The following TMEM164 variants were observed in gnomAD, a reference collection of about 807,000 sequenced individuals.
The protein encoded by TMEM164 is transmembrane protein 164, also known as RP13-360B22.2.
A neutral mutation model predicts 18.8 loss-of-function variants in TMEM164; 4 were observed. The ratio of observed to expected loss-of-function variants is 0.21; its 90% CI spans 0.10 to 0.49. The LOEUF (loss-of-function observed/expected upper bound fraction) is 0.49, where lower values mean the gene tolerates loss of function less well. Among genes scored for constraint, TMEM164 ranks in the 20% least tolerant of loss-of-function variants. The probability of loss-of-function intolerance (pLI) is 0.98; values close to 1 mark genes in which losing one functional copy is unlikely to be tolerated. For synonymous variants in TMEM164, 86 were observed against 101.7 expected, an observed-to-expected ratio of 0.85 and a Z score of 0.93; for missense variants, 108 against 239.9, an observed-to-expected ratio of 0.45 and a Z score of 3.63.
At chrX:110,122,119 T>A (rs1373119358) in intron 4 of TMEM164, among the ~76,000 whole-genome samples, 1 of 110,656 alleles carries the variant, frequency 9.0e-6, no homozygotes, top group Non-Finnish European at 1.9e-5. Flanking sequence ...TAAAGACACA[T>A]GCACATGTAT....
At chrX:110,162,893 G>A (rs1269296946) in intron 5 of TMEM164, among the ~76,000 whole-genome samples, 2 of 111,975 alleles carry the variant, frequency 1.8e-5, no homozygotes. Flanking sequence ...CCAATCATTG[G>A]TCTATATTCC....
chrX:110,181,940 G>A (rs1348376045), downstream of TMEM164, among the ~76,000 whole-genome samples: 1 of 111,962 alleles, frequency 8.9e-6, no homozygotes, highest in African/African-American at 3.3e-5. Flanking sequence ...GCCCTGTGTG[G>A]TTGCGGTCTG....
intron 2 of TMEM164, among the ~76,000 whole-genome samples, chrX:110,048,183 A>C (rs1935394297): frequency 9.1e-6 from 1 of 110,154 alleles, no homozygotes; most frequent in African/African-American, 3.4e-5. Context: ...GAACTACTTT[A>C]AGTTCCCTGA....
At chrX:110,163,791 C>G (rs2791638) in intron 5 of TMEM164, among the ~76,000 whole-genome samples, 57 of 111,964 alleles carry the variant, frequency 5.1e-4, no homozygotes, top group African/African-American at 1.8e-3. Flanking sequence ...AATCTGGATG[C>G]AAGTGGAAAT....
At chrX:110,060,692 C>T (rs942584034) in intron 2 of TMEM164, among the ~76,000 whole-genome samples, 23 of 111,731 alleles carry the variant, frequency 2.1e-4, no homozygotes, top group African/African-American at 7.5e-4. Context: ...GATATGATCT[C>T]TCTTTAGTCT....
intron 2 of TMEM164, among the ~76,000 whole-genome samples, chrX:110,058,594 C>T (rs1469777218): frequency 1.3e-4 from 13 of 98,803 alleles, no homozygotes; most frequent in African/African-American, 4.7e-4. Context: ...CCCTCCCCTC[C>T]CCTCCCCTTT....
chrX:110,153,736 C>T (rs1306151720), intron 5 of TMEM164, among the ~76,000 whole-genome samples: 1 of 111,282 alleles, frequency 9.0e-6, no homozygotes, highest in African/African-American at 3.3e-5. Context: ...GAATGTGGCC[C>T]AACACAAATT....
intron 4 of TMEM164, among the ~76,000 whole-genome samples, chrX:110,137,507 G>A (rs1050402472): frequency 2.7e-5 from 3 of 111,803 alleles, no homozygotes; most frequent in African/African-American, 9.8e-5. Context: ...CTTTGTTTAG[G>A]CATTGCTATC....
At chrX:110,058,939 CTT>C (rs1471753361) in intron 2 of TMEM164, among the ~76,000 whole-genome samples, 1 of 109,921 alleles carries the variant, frequency 9.1e-6, no homozygotes, top group Non-Finnish European at 1.9e-5. Context: ...TCTGGGATGT[CTT>C]TTCACTTTCT....
chrX:110,013,614 T>A (rs766531815), intron 2 of TMEM164, among the ~76,000 whole-genome samples: 3 of 111,500 alleles, frequency 2.7e-5, no homozygotes, highest in African/African-American at 9.8e-5. Context: ...CTGACTTAAG[T>A]AGGGCAGTAG....
chrX:110,120,374 C>T (rs945214117), intron 4 of TMEM164, among the ~76,000 whole-genome samples: 3 of 112,354 alleles, frequency 2.7e-5, no homozygotes, highest in African/African-American at 9.7e-5. Context: ...GCTTCCACTC[C>T]TTAGTCTGTG....
chrX:110,125,749 T>C (rs761251212), intron 4 of TMEM164, among the ~76,000 whole-genome samples: 8 of 112,728 alleles, frequency 7.1e-5, no homozygotes, highest in Admixed American at 2.8e-4. Context: ...TCTTGCTCTC[T>C]GCTGCCAGTT....
intron 2 of TMEM164, among the ~76,000 whole-genome samples, chrX:110,018,346 G>T (rs949062129): frequency 2.7e-5 from 3 of 111,937 alleles, no homozygotes; most frequent in African/African-American, 9.8e-5. Flanking sequence ...CTGGTTGTAG[G>T]TTCATCACTA....
Position 110,175,777 on chromosome X carries a change from C to T in TMEM164, c.*2326C>T. The stretch of plus-strand genomic sequence containing the variant: ...CTATAGGCTTCACAAGGAGCCATGG[C>T]CTGTATTTGGGGCATTGGGGAGCAT... On this transcript the variant is annotated 3_prime_UTR_variant, in exon 7 of 7. Coordinates refer to ENST00000372068, the MANE Select transcript of TMEM164 (RefSeq NM_032227.4). The T allele has an allele frequency of 1.3e-6, 1 of 754,945 alleles. No individual in the cohort carries two copies. The highest frequency in any genetic ancestry group is 1.6e-6 in the Non-Finnish European group (1 of 639,606). 62.2% of individuals were successfully genotyped at this position (754,945 alleles called of 1,213,427 possible).
intron 2 of TMEM164, among the ~76,000 whole-genome samples, chrX:110,009,992 C>CAA (rs34211835): frequency 1.4e-5 from 1 of 73,591 alleles, no homozygotes; most frequent in Non-Finnish European, 2.7e-5. Context: ...GACTCTGTCT[C>CAA]AAAAAAAAAA....
chrX:110,140,309 A>T (rs2066751319), intron 4 of TMEM164, among the ~76,000 whole-genome samples: 1 of 111,936 alleles, frequency 8.9e-6, no homozygotes, highest in Non-Finnish European at 1.9e-5. Flanking sequence ...TCTGTGAGGC[A>T]CAGAGAGGCA....
At chrX:110,123,198 G>T (rs1291655581) in intron 4 of TMEM164, among the ~76,000 whole-genome samples, 1 of 111,762 alleles carries the variant, frequency 8.9e-6, no homozygotes, top group Non-Finnish European at 1.9e-5. Context: ...AAATATCTTG[G>T]TATCCTTTCT....
chrX:110,149,469 G>A (rs771539815), intron 5 of TMEM164, among the ~76,000 whole-genome samples: 7 of 111,770 alleles, frequency 6.3e-5, no homozygotes, highest in East Asian at 2.8e-4. Context: ...TGATCACTCC[G>A]TTTTGGATTG....
chrX:110,095,190 G>C (rs186636277), intron 3 of TMEM164, among the ~76,000 whole-genome samples: 3 of 111,326 alleles, frequency 2.7e-5, no homozygotes, highest in African/African-American at 9.8e-5. Context: ...TATCTTTGCG[G>C]TGTTCTCTGT....
Sources: allele counts gnomAD v4.1 joint callset (sites outside exome capture counted in the v4.1 genomes callset), GRCh38; gene constraint gnomAD v4.1.1; transcripts MANE v1.5; gene names NCBI Gene and HGNC (gene_info 2026-07-23, HGNC 2026-07-21).